Variants in PARP9 observed in about 807,000 individuals in gnomAD.
PARP9 encodes the protein poly(ADP-ribose) polymerase family member 9, also known as protein mono-ADP-ribosyltransferase PARP9.
In PARP9, 48 loss-of-function variants were observed where a neutral mutation model predicts 68.8. That is an observed-to-expected ratio of 0.70 (90% CI 0.55 to 0.89). PARP9 has a LOEUF of 0.89. Ranked by LOEUF, PARP9 falls within the 40% of genes least tolerant of loss-of-function variation. PARP9 has a pLI of 0.00. For missense variants in PARP9, 806 were observed against 969.3 expected, an observed-to-expected ratio of 0.83 and a Z score of 2.24; for synonymous variants, 309 against 333.8, an observed-to-expected ratio of 0.93 and a Z score of 0.81.
chr3:122,533,711 A>C (rs1227009878), intron 10 of PARP9: 1 of 985,350 alleles, frequency 1.0e-6, no homozygotes, highest in African/African-American at 1.7e-5. Flanking sequence ...AAGAAACTGC[A>C]TGTGTAGATG....
intron 6 of PARP9, among the ~76,000 whole-genome samples, chr3:122,546,801 G>GT (rs1427560514): frequency 1.3e-5 from 2 of 151,630 alleles, no homozygotes; most frequent in East Asian, 3.9e-4. Context: ...AGACACCAAG[G>GT]TTGATCTTGG....
At position 122,531,042 on chromosome 3, in the gene PARP9, A is replaced by C. The variant is rs997311155; in HGVS notation, c.2081-2299T>G. ...ATTCAAGATGTTATTTTAACATGTAATCTATATTTTGAAAAGTATTAGATA... is the reference window on the plus strand; with the variant it reads ...ATTCAAGATGTTATTTTAACATGTACTCTATATTTTGAAAAGTATTAGATA... On this transcript the variant is annotated intron_variant, in intron 10 of 10. Transcript: ENST00000682323. 3.3e-5 allele frequency among the ~76,000 whole-genome samples: 5 copies of C among 152,234 alleles called. No individual in the cohort carries two copies. In the East Asian group the frequency reaches 9.6e-4, roughly 29 times the overall value.
At position 122,555,844 on chromosome 3, in the gene PARP9, CAGA is replaced by C; in HGVS notation, c.324_326del (p.Leu109del). The stretch of plus-strand genomic sequence containing the variant: ...GGGCCAGGGCCAGGCCTCCCCCATG[CAGA>C]AGATCTTCATTGGCTGCATTCACCA... On this transcript the variant is annotated inframe_deletion, in exon 4 of 11. Transcript: ENST00000682323. The C allele has an allele frequency of 6.2e-7, 1 of 1,614,082 alleles. No individual in the cohort carries two copies. The highest frequency in any genetic ancestry group is 8.5e-7 in the Non-Finnish European group (1 of 1,180,026).
At position 122,536,332 on chromosome 3, in the gene PARP9, A is replaced by G. The variant is rs1214472107; in HGVS notation, c.1916T>C (p.Ile639Thr). 1.2e-6 allele frequency: 2 copies of G among 1,614,160 alleles called. No individual in the cohort carries two copies. Among genetic ancestry groups the G allele is most frequent in the South Asian group, 1.1e-5 (1 of 91,078 alleles). Reference protein sequence around the residue: ...CGLQVLKVEKIDNEVLMAAFQ... With the variant: ...CGLQVLKVEKTDNEVLMAAFQ... ...GGCAGCCATAAGGACCTCATTGTCT[A>G]TCTTCTCCACCTAGAACCATAGAAA... Residue 639 changes from isoleucine (I) to threonine (T), a missense_variant, in exon 10 of 11, where the codon ATA becomes ACA. Physicochemically the swap from Ile to Thr is moderately conservative, Grantham distance 89 (BLOSUM62 -1). This residue lies in a region of PARP9 where 680 missense variants were observed against 858.8 expected (regional missense o/e 0.79). Coordinates refer to ENST00000682323, the MANE Select transcript of PARP9 (RefSeq NM_001146105.2).
intron 7 of PARP9, among the ~76,000 whole-genome samples, chr3:122,543,299 G>A (rs899755655): frequency 1.3e-5 from 2 of 150,534 alleles, no homozygotes; most frequent in African/African-American, 4.9e-5. Context: ...TTTTTTTTGA[G>A]ACAGTTTCCC....
chr3:122,534,446 T>C (rs1371280508), intron 10 of PARP9: 1 of 985,236 alleles, frequency 1.0e-6, no homozygotes, highest in Non-Finnish European at 1.2e-6. Flanking sequence ...AGCATGTAGA[T>C]AAGTGGTGTG....
At chr3:122,546,968 CTATATATATATATATATATATATATA>C (rs57337681) in intron 6 of PARP9, among the ~76,000 whole-genome samples, 214 of 70,152 alleles carry the variant, frequency 3.1e-3, no homozygotes, top group Non-Finnish European at 4.7e-3. Context: ...ATACATGGCA[CTATATATATATATATATATATATATA>C]TATATATATA....
chr3:122,547,065 CAT>C (rs2078790746), intron 6 of PARP9, among the ~76,000 whole-genome samples: 4 of 120,826 alleles, frequency 3.3e-5, no homozygotes, highest in Non-Finnish European at 5.5e-5. Flanking sequence ...TATACACATA[CAT>C]ATATACACAC....
At chr3:122,538,320 G>T (rs2077809951) in intron 8 of PARP9, among the ~76,000 whole-genome samples, 2 of 152,168 alleles carry the variant, frequency 1.3e-5, no homozygotes, top group Non-Finnish European at 2.9e-5. Flanking sequence ...ACAAACTTCT[G>T]CCGTTGGAAA....
intron 10 of PARP9, chr3:122,533,739 A>T (rs2077457311): frequency 2.6e-5 from 26 of 985,426 alleles, no homozygotes; most frequent in Non-Finnish European, 3.1e-5. Flanking sequence ...GCTGCACTCA[A>T]CCAAGTCCTA....
intron 10 of PARP9, chr3:122,532,298 C>G: frequency 1.0e-6 from 1 of 985,178 alleles, no homozygotes; most frequent in Non-Finnish European, 1.2e-6. Context: ...CAGACACTAC[C>G]TGAGTGTGAA....
intron 6 of PARP9, among the ~76,000 whole-genome samples, chr3:122,546,245 A>G (rs1206578048): frequency 6.6e-6 from 1 of 152,248 alleles, no homozygotes; most frequent in Non-Finnish European, 1.5e-5. Context: ...TGGAAACTGT[A>G]CTTGGAATTT....
intron 1 of PARP9, among the ~76,000 whole-genome samples, chr3:122,563,530 G>A (rs2080415318): frequency 6.6e-6 from 1 of 151,782 alleles, no homozygotes; most frequent in African/African-American, 2.4e-5. Context: ...AAAAAATATG[G>A]CTGCAAAAAT....
chr3:122,541,262 C>G (rs2078211134), intron 7 of PARP9, among the ~76,000 whole-genome samples: 2 of 152,214 alleles, frequency 1.3e-5, no homozygotes, highest in African/African-American at 4.8e-5. Context: ...ATTGTCACCA[C>G]TGTCAGCAGT....
chr3:122,543,002 G>A (rs1576402815), intron 7 of PARP9, among the ~76,000 whole-genome samples: 3 of 152,228 alleles, frequency 2.0e-5, no homozygotes, highest in South Asian at 4.1e-4. Flanking sequence ...CGCCTCCTGG[G>A]TTCAAGCGAT....
At chr3:122,548,549 C>A (rs1188620426) in intron 6 of PARP9, among the ~76,000 whole-genome samples, 1 of 152,160 alleles carries the variant, frequency 6.6e-6, no homozygotes, top group African/African-American at 2.4e-5. Flanking sequence ...CTCGAAAATG[C>A]CAGCTAAGTG....
intron 3 of PARP9, 36 bp from the exon 4 acceptor site, chr3:122,556,157 A>AAAAAAAAAG: frequency 7.9e-7 from 1 of 1,264,528 alleles, no homozygotes; most frequent in Non-Finnish European, 1.1e-6. Flanking sequence ...AAAAAAAAAA[A>AAAAAAAAAG]AAAAAAAAAA....
intron 10 of PARP9, chr3:122,534,048 T>C (rs976257734): frequency 2.0e-6 from 2 of 985,388 alleles, no homozygotes; most frequent in African/African-American, 3.5e-5. Context: ...TTATGAGTCA[T>C]GTCTGAATTG....
intron 2 of PARP9, among the ~76,000 whole-genome samples, chr3:122,558,706 TA>T (rs1354804670): frequency 6.6e-6 from 1 of 152,220 alleles, no homozygotes; most frequent in African/African-American, 2.4e-5. Context: ...TTTCTTTTTT[TA>T]AATTTAATTT....
Sources: allele counts gnomAD v4.1 joint callset (sites outside exome capture counted in the v4.1 genomes callset), GRCh38; gene constraint gnomAD v4.1.1; regional missense constraint gnomAD v4.1.1; transcripts MANE v1.5; gene names NCBI Gene and HGNC (gene_info 2026-07-23, HGNC 2026-07-21).